OSBPL9: variants seen among roughly 807,000 people sequenced by gnomAD.
OSBPL9 encodes oxysterol-binding protein-related protein 9.
Under a neutral mutation model 106.6 loss-of-function variants are expected in OSBPL9, and 40 were observed. The ratio of observed to expected loss-of-function variants is 0.38; its 90% CI spans 0.29 to 0.49. The LOEUF is 0.49. OSBPL9 is among the 20% of genes least tolerant of loss of function. The pLI, the probability that OSBPL9 is intolerant of heterozygous loss-of-function variation, is 0.97. For missense variants in OSBPL9, 609 were observed against 887.2 expected (o/e 0.69, Z 3.98); for synonymous variants, 269 against 295.4 (o/e 0.91, Z 0.92).
chr1:51,785,363 C>T (rs749373643), intron 20 of OSBPL9: 5 of 161,040 alleles, frequency 3.1e-5, no homozygotes, highest in Non-Finnish European at 5.4e-5. Context: ...AAAGTATTCA[C>T]ACCATCTGGC....
Position 51,765,862 on chromosome 1 carries a change from A to AAGCC in OSBPL9, c.821_824dup (p.His275GlnfsTer19). Reference sequence around the variant, plus strand: ...CACCGAGTAGCAGTCTCACTTCTCCAAGCCACGTGAACTTGTCTCCAAATA... The same window carrying AAGCC: ...CACCGAGTAGCAGTCTCACTTCTCCAAGCCAGCCACGTGAACTTGTCTCCAAATA... On this transcript the variant is annotated frameshift_variant, in exon 12 of 24. Transcript: ENST00000428468. LOFTEE classifies it high-confidence loss of function. 1 of 1,614,016 alleles carries AAGCC rather than the reference A, an allele frequency of 6.2e-7. No homozygotes were observed. Among genetic ancestry groups the AAGCC allele is most frequent in the South Asian group, 1.1e-5 (1 of 91,056 alleles).
intron 4 of OSBPL9, among the ~76,000 whole-genome samples, chr1:51,744,619 A>G (rs1667589812): frequency 6.6e-6 from 1 of 152,170 alleles, no homozygotes; most frequent in Non-Finnish European, 1.5e-5. Flanking sequence ...TGAGATGGGT[A>G]TGTTGATCAA....
intron 1 of OSBPL9, among the ~76,000 whole-genome samples, chr1:51,631,056 A>T (rs1645075142): frequency 1.3e-5 from 2 of 152,176 alleles, no homozygotes. Context: ...GGCTGGCCTC[A>T]CTCTGAGGTT....
chr1:51,726,406 ATTTTTTCTTCTT>A (rs1663124218), intron 4 of OSBPL9, among the ~76,000 whole-genome samples: 2 of 151,616 alleles, frequency 1.3e-5, no homozygotes, highest in South Asian at 2.1e-4. Context: ...GGCTTTTTAT[ATTTTTTCTTCTT>A]TTTTTTCTTC....
intron 1 of OSBPL9, among the ~76,000 whole-genome samples, chr1:51,624,158 C>T (rs1319816172): frequency 6.6e-6 from 1 of 152,020 alleles, no homozygotes; most frequent in East Asian, 1.9e-4. Context: ...CTCAGATCAT[C>T]CACCTGCCTC....
At chr1:51,765,691 T>G in intron 11 of OSBPL9, 131 bp from the exon 12 acceptor site, 1 of 751,356 alleles carries the variant, frequency 1.3e-6, no homozygotes, top group Non-Finnish European at 2.0e-6. Context: ...ATTTTCTTTA[T>G]AAATACTGTA....
chr1:51,737,556 G>GTA (rs1167890511), intron 4 of OSBPL9, among the ~76,000 whole-genome samples: 3 of 148,862 alleles, frequency 2.0e-5, no homozygotes, highest in African/African-American at 7.7e-5. Flanking sequence ...GTGTGTGTGT[G>GTA]TGTGTGTGTG....
At chr1:51,523,682 C>A in the OSBPL9 span, among the ~76,000 whole-genome samples, 1 of 152,072 alleles carries the variant, frequency 6.6e-6, no homozygotes, top group African/African-American at 2.4e-5. Flanking sequence ...TCTGGATTTA[C>A]GATAGCCCTA....
chr1:51,629,534 G>T (rs367939115), intron 1 of OSBPL9, among the ~76,000 whole-genome samples: 38 of 152,156 alleles, frequency 2.5e-4, no homozygotes, highest in South Asian at 2.1e-4. Context: ...CCATGTGGTA[G>T]GCTGCCACCC....
At chr1:51,744,911 A>G (rs368874499) in intron 4 of OSBPL9, among the ~76,000 whole-genome samples, 30 of 152,348 alleles carry the variant, frequency 2.0e-4, no homozygotes, top group African/African-American at 5.8e-4. Flanking sequence ...ATAAACATCT[A>G]TACCACGTCT....
At chr1:51,601,869 A>G (rs1038927073) in intron 2 of OSBPL9, among the ~76,000 whole-genome samples, 2 of 152,130 alleles carry the variant, frequency 1.3e-5, no homozygotes, top group Non-Finnish European at 2.9e-5. Flanking sequence ...AGGTATTCTT[A>G]TCCTTAGTAC....
intron 2 of OSBPL9, among the ~76,000 whole-genome samples, chr1:51,605,716 C>T (rs1256656662): frequency 6.6e-6 from 1 of 152,192 alleles, no homozygotes; most frequent in East Asian, 1.9e-4. Context: ...GGCACAGTGA[C>T]TCAGGCTTGT....
At chr1:51,685,411 A>G (rs1052349933) in intron 3 of OSBPL9, among the ~76,000 whole-genome samples, 2 of 151,374 alleles carry the variant, frequency 1.3e-5, no homozygotes, top group Non-Finnish European at 2.9e-5. Flanking sequence ...TACCATGATA[A>G]TCTTTTTTTT....
chr1:51,654,025 A>G (rs1030732923), intron 2 of OSBPL9, among the ~76,000 whole-genome samples: 3 of 152,136 alleles, frequency 2.0e-5, no homozygotes, highest in Non-Finnish European at 4.4e-5. Flanking sequence ...AAAGAAAAAA[A>G]AAAAAGGAAT....
intron 1 of OSBPL9, among the ~76,000 whole-genome samples, chr1:51,587,920 A>G (rs1382782568): frequency 6.6e-6 from 1 of 152,228 alleles, no homozygotes; most frequent in Non-Finnish European, 1.5e-5. Flanking sequence ...AATGCAATGA[A>G]TGCTTTCCAG....
upstream of OSBPL9, among the ~76,000 whole-genome samples, chr1:51,613,536 A>C (rs1039484343): frequency 4.6e-5 from 7 of 152,212 alleles, no homozygotes; most frequent in Non-Finnish European, 1.0e-4. Context: ...TGTGATGGTT[A>C]AAAGTGATAA....
chr1:51,747,843 G>A (rs1557792653), intron 6 of OSBPL9, among the ~76,000 whole-genome samples: 1 of 152,154 alleles, frequency 6.6e-6, no homozygotes, highest in African/African-American at 2.4e-5. Flanking sequence ...AGGCTGGAGT[G>A]CAGTGGCGTG....
At chr1:51,759,795 TA>T (rs1320152208) in intron 9 of OSBPL9, 2 of 152,160 alleles carry the variant, frequency 1.3e-5, no homozygotes, top group African/African-American at 2.4e-5. Flanking sequence ...CCTCTAAAAT[TA>T]ACTACATGTC....
At chr1:51,538,325 A>G in the OSBPL9 span, among the ~76,000 whole-genome samples, 1 of 152,170 alleles carries the variant, frequency 6.6e-6, no homozygotes, top group Non-Finnish European at 1.5e-5. Context: ...AACAAGATAG[A>G]CACAAAATAG....
Sources: gnomAD v4.1 joint callset for allele counts (sites outside exome capture counted in the v4.1 genomes callset) on GRCh38, gnomAD v4.1.1 for gene constraint, MANE v1.5 for transcripts, NCBI Gene and HGNC (gene_info 2026-07-23, HGNC 2026-07-21) for gene names.